SENP1: variants seen among roughly 807,000 people sequenced by gnomAD.
SENP1 encodes SUMO specific peptidase 1.
In SENP1, 21 loss-of-function variants were observed where a neutral mutation model predicts 93.0. The ratio of observed to expected loss-of-function variants is 0.23; its 90% CI spans 0.16 to 0.33. The LOEUF is 0.33. SENP1 is among the 10% of genes least tolerant of loss of function. The pLI is 1.00. For missense variants in SENP1, 591 were observed against 758.7 expected (o/e 0.78, Z 2.60); for synonymous variants, 256 against 259.6 (o/e 0.99, Z 0.13).
intron 5 of SENP1, chr12:48,085,560 T>C (rs1452187811): frequency 2.3e-5 from 11 of 470,784 alleles, no homozygotes; most frequent in East Asian, 6.9e-5. Context: ...ATTAAGAGGC[T>C]AGGTGAGGCG....
chr12:48,094,200 C>A (rs999877083), intron 4 of SENP1, among the ~76,000 whole-genome samples: 1 of 151,896 alleles, frequency 6.6e-6, no homozygotes, highest in African/African-American at 2.4e-5. Context: ...TACAGCAAGA[C>A]CCTCACCTCT....
intron 13 of SENP1, among the ~76,000 whole-genome samples, chr12:48,053,775 T>G (rs750765930): frequency 5.3e-5 from 8 of 152,212 alleles, no homozygotes; most frequent in Non-Finnish European, 1.2e-4. Context: ...TCTAAATTCC[T>G]CTTTCACCAT....
intron 8 of SENP1, among the ~76,000 whole-genome samples, chr12:48,071,949 C>G (rs1367964441): frequency 6.6e-6 from 1 of 152,122 alleles, no homozygotes; most frequent in Non-Finnish European, 1.5e-5. Flanking sequence ...TGGGAAATAA[C>G]AAACATATTT....
rs893660703 is a variant in SENP1 at position 48,045,001 on chromosome 12, G to T, written c.*321C>A. ...CAAGATTCTTTCCAAGCTTTTCTCA[G>T]TCCCATAATTAGGGACTGAGTGAGG... is the stretch of plus-strand genomic sequence containing the variant. On this transcript the variant is annotated 3_prime_UTR_variant, in exon 18 of 18. Coordinates refer to ENST00000549518, the MANE Select transcript of SENP1 (RefSeq NM_001267594.2). The T allele has an allele frequency of 2.4e-5, 8 of 334,314 alleles. No homozygotes were observed. The highest frequency in any genetic ancestry group is 4.4e-5 in the Non-Finnish European group (8 of 181,038). The allele number at this position is 334,314 out of a possible 1,614,324, so 20.7% of individuals were successfully genotyped here.
At chr12:48,088,571 C>G in intron 5 of SENP1, 1 of 490,626 alleles carries the variant, frequency 2.0e-6, no homozygotes, top group Non-Finnish European at 3.6e-6. Context: ...TCATATCCAC[C>G]AAGATTTACT....
Position 48,046,699 on chromosome 12 carries a change from T to C in SENP1, c.1777-248A>G, listed in dbSNP as rs569286204. ...CCATGGCACCTAAGGGTATAAAAAC[T>C]GCTCCCTCCCCCAGAGGCCAAATAA... On this transcript the variant is annotated intron_variant, in intron 16 of 17. Coordinates refer to ENST00000549518, the MANE Select transcript of SENP1 (RefSeq NM_001267594.2). 3.9e-5 allele frequency among the ~76,000 whole-genome samples: 6 copies of C among 152,238 alleles called. No individual in the cohort carries two copies. In the East Asian group the frequency reaches 1.2e-3, roughly 29 times the overall value.
chr12:48,053,773 C>A (rs1942001897), intron 13 of SENP1, among the ~76,000 whole-genome samples: 2 of 152,176 alleles, frequency 1.3e-5, no homozygotes, highest in Middle Eastern at 3.2e-3. Flanking sequence ...ATTCTAAATT[C>A]CTCTTTCACC....
chr12:48,069,078 G>A (rs557361029), intron 9 of SENP1, among the ~76,000 whole-genome samples: 1 of 147,488 alleles, frequency 6.8e-6, no homozygotes, highest in Non-Finnish European at 1.5e-5. Flanking sequence ...ACTTGAACCC[G>A]GGAGGCGGAG....
At chr12:48,076,639 T>TTG (rs1796088639) in intron 6 of SENP1, among the ~76,000 whole-genome samples, 1 of 142,180 alleles carries the variant, frequency 7.0e-6, no homozygotes. Context: ...ATATGTAGTT[T>TTG]TTGCTTTTTT....
At chr12:48,078,316 T>TG in intron 6 of SENP1, among the ~76,000 whole-genome samples, 1 of 62,548 alleles carries the variant, frequency 1.6e-5, no homozygotes, top group South Asian at 5.5e-4. Context: ...TCTGTAGGAT[T>TG]TTATATATAT....
chr12:48,096,275 C>T, intron 4 of SENP1, 68 bp downstream of exon 4: 1 of 830,304 alleles, frequency 1.2e-6, no homozygotes, highest in Non-Finnish European at 1.9e-6. Context: ...AGATGATAAA[C>T]ATAAACGATA....
intron 16 of SENP1, among the ~76,000 whole-genome samples, chr12:48,046,749 GAAAAGCTTAGTA>G (rs1941399001): frequency 6.6e-6 from 1 of 152,074 alleles, no homozygotes. Context: ...CCTTAGGAGT[GAAAAGCTTAGTA>G]AAATATCTGG....
At chr12:48,058,403 GTTC>G (rs1942732652) in intron 13 of SENP1, among the ~76,000 whole-genome samples, 1 of 151,814 alleles carries the variant, frequency 6.6e-6, no homozygotes, top group South Asian at 2.1e-4. Context: ...TGTTCTATTT[GTTC>G]TTTTTATCTT....
At chr12:48,099,204 G>A (rs1945759469) in intron 2 of SENP1, 1 of 152,052 alleles carries the variant, frequency 6.6e-6, no homozygotes, top group South Asian at 2.1e-4. Context: ...GTGCATGCCT[G>A]TAGTCCCAGC....
chr12:48,052,123 G>GAAAA (rs1941862900), intron 13 of SENP1, among the ~76,000 whole-genome samples: 1 of 152,156 alleles, frequency 6.6e-6, no homozygotes, highest in Admixed American at 6.5e-5. Flanking sequence ...CTGCCAGGCT[G>GAAAA]AAGCTGAAAA....
intron 13 of SENP1, among the ~76,000 whole-genome samples, chr12:48,053,050 T>TA (rs1941934071): frequency 6.6e-6 from 1 of 152,228 alleles, no homozygotes; most frequent in South Asian, 2.1e-4. Flanking sequence ...TGGTTGAACT[T>TA]AATGTTTTGC....
chr12:48,087,786 T>C (rs1008703010), intron 5 of SENP1, among the ~76,000 whole-genome samples: 1 of 152,218 alleles, frequency 6.6e-6, no homozygotes, highest in African/African-American at 2.4e-5. Context: ...GCCATCTTGT[T>C]GGCTTCTATC....
intron 4 of SENP1, among the ~76,000 whole-genome samples, chr12:48,089,960 C>T (rs1945118082): frequency 6.6e-6 from 1 of 152,178 alleles, no homozygotes. Flanking sequence ...TCCAAATAGG[C>T]AGCCTTCCAA....
chr12:48,065,348 C>CT, intron 11 of SENP1, 128 bp from the exon 12 acceptor site: 1 of 787,284 alleles, frequency 1.3e-6, no homozygotes, highest in Non-Finnish European at 2.0e-6. Context: ...ATTGCTTTCG[C>CT]TTTTTTGTAA....
Sources: allele counts gnomAD v4.1 joint callset (sites outside exome capture counted in the v4.1 genomes callset), GRCh38; gene constraint gnomAD v4.1.1; transcripts MANE v1.5; gene names NCBI Gene and HGNC (gene_info 2026-07-23, HGNC 2026-07-21).